The following APOBEC3C variants were observed in gnomAD, a reference collection of about 807,000 sequenced individuals.
The protein encoded by APOBEC3C is DNA dC->dU-editing enzyme APOBEC-3C.
A neutral mutation model predicts 20.6 loss-of-function variants in APOBEC3C; 14 were observed. The ratio of observed to expected loss-of-function variants is 0.68; its 90% confidence interval spans 0.45 to 1.06. APOBEC3C has a LOEUF of 1.06. Ranked by LOEUF, APOBEC3C falls within the 50% of genes least tolerant of loss-of-function variation. The probability of loss-of-function intolerance (pLI) is 0.00; values close to 1 mark genes in which losing one functional copy is unlikely to be tolerated. For synonymous variants in APOBEC3C, 98 were observed against 88.8 expected, an observed-to-expected ratio of 1.10 and a Z score of -0.58; for missense variants, 244 against 241.9, an observed-to-expected ratio of 1.01 and a Z score of -0.06.
intron 2 of APOBEC3C, among the ~76,000 whole-genome samples, chr22:39,017,009 G>A (rs544423414): frequency 4.6e-5 from 7 of 152,208 alleles, no homozygotes; most frequent in African/African-American, 7.2e-5. Flanking sequence ...TGAGGCAGGC[G>A]GATCATGAGG....
At position 39,015,704 on chromosome 22, in the gene APOBEC3C, A is replaced by C. The variant is rs775487261; in HGVS notation, c.127A>C (p.Lys43Gln). The change falls in exon 2 of 4, where the codon AAG (lysine) becomes CAG (glutamine). Residue 43 changes from lysine (K) to glutamine (Q), a missense_variant. By Grantham distance (53) the Lys-to-Gln change is moderately conservative. Transcript: ENST00000361441. Reference sequence around the variant, plus strand: ...GCTGTGCTTCACCGTGGAAGGTATAAAGCGCCGCTCAGTTGTCTCCTGGAA... The same window carrying C: ...GCTGTGCTTCACCGTGGAAGGTATACAGCGCCGCTCAGTTGTCTCCTGGAA... ...TWLCFTVEGI[K>Q]RRSVVSWKTG... The C allele has an allele frequency of 1.2e-6, 2 of 1,614,096 alleles. No homozygotes were observed. The highest frequency in any genetic ancestry group is 1.7e-6 in the Non-Finnish European group (2 of 1,180,012).
rs753765768 is a variant in APOBEC3C, at chr22:39,017,951, C to T, written c.360C>T (p.Thr120=). Residue 120 remains threonine (T), a synonymous_variant, in exon 3 of 4, where the codon ACC becomes ACT. Transcript: ENST00000361441. ...GCAACGTGAATCTCACCATCTTCAC[C>T]GCCCGCCTCTACTACTTCCAGTATC... is the stretch of plus-strand genomic sequence containing the variant. ...RHSNVNLTIF[T]ARLYYFQYPC... is the part of the protein sequence containing the mutation. 4.3e-6 allele frequency: 7 copies of T among 1,614,052 alleles called. No individual in the cohort carries two copies. The highest frequency in any genetic ancestry group is 4.5e-5 in the East Asian group (2 of 44,892).
Position 39,019,734 on chromosome 22 carries a change from T to C in APOBEC3C, c.*1347T>C, listed in dbSNP as rs1603274010. 1 of 151,148 alleles carries C rather than the reference T, an allele frequency of 6.6e-6. No individual in the cohort carries two copies. Among genetic ancestry groups the C allele is most frequent in the Admixed American group, 6.6e-5 (1 of 15,184 alleles). 9.4% of individuals were successfully genotyped at this position (151,148 alleles called of 1,614,324 possible). A position where few individuals can be genotyped will look rare whatever the true frequency, so the allele number is the denominator to read the frequency against. The stretch of plus-strand genomic sequence containing the variant: ...GCTGGCAGGGAGTCTCTTCCAGCCG[T>C]GTCCTCTGTGGCCTTTCCTCTATGC... On this transcript the variant is annotated 3_prime_UTR_variant, in exon 4 of 4. Transcript: ENST00000361441.
At chr22:39,017,736 T>A in intron 2 of APOBEC3C, 30 bp from the exon 3 acceptor site, 1 of 1,601,906 alleles carries the variant, frequency 6.2e-7, no homozygotes, top group Non-Finnish European at 8.5e-7. Flanking sequence ...TGGTCTGAGC[T>A]CCCCTGTCCT....
At chr22:39,017,266 G>C (rs1160166594) in intron 2 of APOBEC3C, among the ~76,000 whole-genome samples, 1 of 151,846 alleles carries the variant, frequency 6.6e-6, no homozygotes, top group Non-Finnish European at 1.5e-5. Context: ...AAAGAGAGAA[G>C]GAGAAGGATA....
chr22:39,014,311 C>T lies in APOBEC3C; in HGVS notation c.-52C>T. 1.2e-6 allele frequency: 2 copies of T among 1,612,896 alleles called. No individual in the cohort carries two copies. The highest frequency in any genetic ancestry group is 1.7e-6 in the Non-Finnish European group (2 of 1,178,958). ...ACGCTGTAAGCAGGAAGAGAAGCCA[C>T]AGCGCTTCAGAAAAGAGTGGGACAG... is the stretch of plus-strand genomic sequence containing the variant. On this transcript the variant is annotated 5_prime_UTR_variant, in exon 1 of 4. Transcript: ENST00000361441.
Position 39,018,486 on chromosome 22 carries a change from A to T in APOBEC3C, c.*99A>T. 7.1e-7 allele frequency: 1 copy of T among 1,414,764 alleles called. No homozygotes were observed. Among genetic ancestry groups the T allele is most frequent in the Non-Finnish European group, 9.6e-7 (1 of 1,036,560 alleles). 87.6% of individuals were successfully genotyped at this position (1,414,764 alleles called of 1,614,324 possible). On this transcript the variant is annotated 3_prime_UTR_variant, in exon 4 of 4. Transcript: ENST00000361441. Reference sequence around the variant, plus strand: ...GGACCCGCTCTGTTTCTGCCTGGTCATCCTGAGCCCCTCCTGGCCTCAGGG... The same window carrying T: ...GGACCCGCTCTGTTTCTGCCTGGTCTTCCTGAGCCCCTCCTGGCCTCAGGG...
intron 1 of APOBEC3C, 121 bp downstream of exon 1, chr22:39,014,500 T>A: frequency 9.4e-7 from 1 of 1,059,126 alleles, no homozygotes; most frequent in Non-Finnish European, 1.3e-6. Flanking sequence ...TCCCCCCTGG[T>A]TCCCCCGCTG....
intron 2 of APOBEC3C, among the ~76,000 whole-genome samples, chr22:39,016,416 A>G (rs1383743044): frequency 8.3e-6 from 1 of 120,902 alleles, no homozygotes; most frequent in African/African-American, 3.4e-5. Context: ...ACGGGGTTTC[A>G]TGGTGTTAGC....
At chr22:39,015,534 T>C in intron 1 of APOBEC3C, 61 bp from the exon 2 acceptor site, 1 of 1,565,672 alleles carries the variant, frequency 6.4e-7, no homozygotes, top group East Asian at 2.3e-5. Context: ...TCAGTGGGCA[T>C]CAGCCCTGAG....
chr22:39,014,543 G>A (rs971959205), intron 1 of APOBEC3C, among the ~76,000 whole-genome samples, 164 bp downstream of exon 1: 2 of 148,094 alleles, frequency 1.4e-5, no homozygotes, highest in Non-Finnish European at 3.0e-5. Context: ...TTGCCCTGCT[G>A]TGTGGTCCCA....
chr22:39,017,796 A>G lies in APOBEC3C; in HGVS notation c.205A>G (p.Arg69Gly). 6.8e-6 allele frequency: 11 copies of G among 1,613,776 alleles called. No homozygotes were observed. The highest frequency in any genetic ancestry group is 9.3e-6 in the Non-Finnish European group (11 of 1,179,758). Reference sequence around the variant, plus strand: ...TTCTGAGACCCATTGTCATGCAGAAAGGTGCTTCCTCTCTTGGTTCTGCGA... The same window carrying G: ...TTCTGAGACCCATTGTCATGCAGAAGGGTGCTTCCTCTCTTGGTTCTGCGA... ...VDSETHCHAE[R>G]CFLSWFCDDI... The change falls in exon 3 of 4, where the codon AGG (arginine) becomes GGG (glycine). Residue 69 changes from arginine to glycine, a missense_variant. Transcript: ENST00000361441.
intron 2 of APOBEC3C, 61 bp downstream of exon 2, chr22:39,015,812 C>T (rs1448190427): frequency 9.0e-6 from 14 of 1,547,526 alleles, no homozygotes; most frequent in African/African-American, 1.4e-5. Context: ...ATGCAGAAAA[C>T]GCAACAATAA....
At chr22:39,014,653 G>A (rs1317375372) in intron 1 of APOBEC3C, among the ~76,000 whole-genome samples, 2 of 152,202 alleles carry the variant, frequency 1.3e-5, no homozygotes, top group South Asian at 2.1e-4. Flanking sequence ...GGTGCTTCCC[G>A]CCCTGGGAGG....
intron 1 of APOBEC3C, among the ~76,000 whole-genome samples, chr22:39,015,197 G>A (rs1184957067): frequency 6.6e-6 from 1 of 152,054 alleles, no homozygotes; most frequent in East Asian, 1.9e-4. Context: ...TACTTGGGAG[G>A]CTGAGGCAGG....
rs1417229398 is a variant in APOBEC3C at position 39,017,847 on chromosome 22, T to A, written c.256T>A (p.Tyr86Asn). The A allele has an allele frequency of 3.7e-6, 6 of 1,614,114 alleles. No homozygotes were observed. In the East Asian group the frequency reaches 1.3e-4, roughly 36 times the overall value. Residue 86 changes from tyrosine to asparagine, a missense_variant, in exon 3 of 4, where the codon TAC (tyrosine) becomes AAC (asparagine). Tyr to Asn is a moderately radical substitution (Grantham distance 143, BLOSUM62 -2). Transcript: ENST00000361441. ...CDDILSPNTK[Y>N]QVTWYTSWSP... ...CGACATACTGTCTCCTAACACAAAGTACCAGGTCACCTGGTACACATCTTG... is the reference window on the plus strand; with the variant it reads ...CGACATACTGTCTCCTAACACAAAGAACCAGGTCACCTGGTACACATCTTG...
At chr22:39,015,547 C>G (rs1366932417) in intron 1 of APOBEC3C, 48 bp from the exon 2 acceptor site, 2 of 1,594,140 alleles carry the variant, frequency 1.3e-6, no homozygotes, top group African/African-American at 2.7e-5. Flanking sequence ...GCCCTGAGGA[C>G]TCCGGTGCGG....
chr22:39,016,582 AG>A (rs1448794216), intron 2 of APOBEC3C, among the ~76,000 whole-genome samples: 2 of 151,846 alleles, frequency 1.3e-5, no homozygotes, highest in Non-Finnish European at 2.9e-5. Context: ...CAGATCGTGG[AG>A]GGGGTTTGCT....
At position 39,015,628 on chromosome 22, in the gene APOBEC3C, C is replaced by T. The variant is rs760704384; in HGVS notation, c.51C>T (p.Phe17=). 3 of 1,614,150 alleles carry T rather than the reference C, an allele frequency of 1.9e-6. No individual in the cohort carries two copies. The highest frequency in any genetic ancestry group is 2.5e-6 in the Non-Finnish European group (3 of 1,180,010). The change falls in exon 2 of 4, where the codon TTC becomes TTT. Residue 17 remains phenylalanine (F), a synonymous_variant. Transcript: ENST00000361441. ...NPMKAMYPGT[F]YFQFKNLWEA... is the part of the protein sequence containing the mutation. The stretch of plus-strand genomic sequence containing the variant: ...TGAAGGCAATGTATCCAGGCACATT[C>T]TACTTCCAATTTAAAAACCTATGGG...
Sources: allele counts gnomAD v4.1 joint callset (sites outside exome capture counted in the v4.1 genomes callset), GRCh38; gene constraint gnomAD v4.1.1; transcripts MANE v1.5; gene names NCBI Gene and HGNC (gene_info 2026-07-23, HGNC 2026-07-21).